The following SLC39A8 variants were observed in gnomAD, a reference collection of about 807,000 sequenced individuals.
SLC39A8 encodes metal cation symporter ZIP8.
A neutral mutation model predicts 40.4 loss-of-function variants in SLC39A8; 15 were observed. The ratio of observed to expected loss-of-function variants is 0.37; its 90% CI spans 0.25 to 0.57. SLC39A8 has a LOEUF of 0.57. Ranked by LOEUF, SLC39A8 falls within the 20% of genes least tolerant of loss-of-function variation. SLC39A8 has a pLI of 0.75. For synonymous variants in SLC39A8, 223 were observed against 221.6 expected (o/e 1.01, Z -0.06); for missense variants, 472 against 558.8 (o/e 0.84, Z 1.57).
At chr4:102,295,727 T>G (rs1397463222) in intron 6 of SLC39A8, among the ~76,000 whole-genome samples, 1 of 152,096 alleles carries the variant, frequency 6.6e-6, no homozygotes, top group Non-Finnish European at 1.5e-5. Flanking sequence ...ATGAACTTTC[T>G]GTGTAAATGT....
At chr4:102,297,095 A>G (rs187432616) in intron 6 of SLC39A8, among the ~76,000 whole-genome samples, 2 of 152,132 alleles carry the variant, frequency 1.3e-5, no homozygotes, top group Admixed American at 1.3e-4. Flanking sequence ...AAAGAGGAAT[A>G]TCACATGCTG....
chr4:102,341,204 G>T (rs1000381029), intron 2 of SLC39A8, among the ~76,000 whole-genome samples: 1 of 152,190 alleles, frequency 6.6e-6, no homozygotes, highest in Non-Finnish European at 1.5e-5. Flanking sequence ...CACTACAGGA[G>T]ATGGGCTGCA....
chr4:102,307,326 T>C (rs1734222600), intron 4 of SLC39A8, 110 bp downstream of exon 4: 2 of 1,305,032 alleles, frequency 1.5e-6, no homozygotes, highest in Non-Finnish European at 2.2e-6. Context: ...CAAGACACTA[T>C]AAACTAGACC....
intron 2 of SLC39A8, 64 bp downstream of exon 2, chr4:102,344,380 A>T: frequency 1.3e-5 from 16 of 1,185,358 alleles, no homozygotes; most frequent in Non-Finnish European, 1.7e-5. Flanking sequence ...AAAACGGCTC[A>T]TATACAAAGT....
At chr4:102,337,590 C>T (rs556819651) in intron 2 of SLC39A8, among the ~76,000 whole-genome samples, 7 of 152,320 alleles carry the variant, frequency 4.6e-5, no homozygotes, top group African/African-American at 1.7e-4. Flanking sequence ...ACCTACTCTT[C>T]CCTCCTTGCT....
intron 4 of SLC39A8, 109 bp from the exon 5 acceptor site, chr4:102,305,220 T>G: frequency 2.6e-6 from 3 of 1,148,958 alleles, no homozygotes; most frequent in Non-Finnish European, 3.6e-6. Flanking sequence ...TCTCTTCACA[T>G]CCAAGTAATA....
chr4:102,320,117 A>G (rs1218549475), intron 2 of SLC39A8, among the ~76,000 whole-genome samples: 1 of 146,914 alleles, frequency 6.8e-6, no homozygotes, highest in African/African-American at 2.5e-5. Context: ...GGGACTTCTC[A>G]GCCTCCACAA....
intron 2 of SLC39A8, among the ~76,000 whole-genome samples, chr4:102,337,328 GA>G (rs1268536341): frequency 6.6e-6 from 1 of 150,846 alleles, no homozygotes; most frequent in African/African-American, 2.4e-5. Flanking sequence ...TTTATGACTA[GA>G]AAGCAGAAAA....
At chr4:102,322,380 A>AT (rs1054967603) in intron 2 of SLC39A8, among the ~76,000 whole-genome samples, 7 of 152,172 alleles carry the variant, frequency 4.6e-5, no homozygotes, top group Admixed American at 2.0e-4. Flanking sequence ...ATTAAAGTTG[A>AT]TTTTTTTTCA....
intron 11 of SLC39A8, among the ~76,000 whole-genome samples, chr4:102,255,190 G>A (rs1215302084): frequency 6.6e-6 from 1 of 152,140 alleles, no homozygotes; most frequent in East Asian, 1.9e-4. Context: ...CAAGAGCTGG[G>A]AATTTTGTTT....
intron 2 of SLC39A8, among the ~76,000 whole-genome samples, chr4:102,326,399 A>T (rs1735204261): frequency 6.6e-6 from 1 of 152,110 alleles, no homozygotes; most frequent in Non-Finnish European, 1.5e-5. Flanking sequence ...GTCTCTACTA[A>T]AACTACAAAA....
Position 102,267,865 on chromosome 4 carries a change from T to A in SLC39A8, c.1048+7A>T. ...CAGACTTTTACAATATGAACAGAGC[T>A]CCTTACCTAACTCGTGGGGAAACTC... On this transcript the variant is annotated splice_region_variant and intron_variant, in intron 7 of 8. Transcript: ENST00000356736. 6.2e-7 allele frequency: 1 copy of A among 1,613,624 alleles called. No homozygotes were observed. The highest frequency in any genetic ancestry group is 8.5e-7 in the Non-Finnish European group (1 of 1,179,768).
intron 6 of SLC39A8, among the ~76,000 whole-genome samples, chr4:102,289,864 A>G (rs1733344316): frequency 6.6e-6 from 1 of 152,200 alleles, no homozygotes; most frequent in Admixed American, 6.5e-5. Flanking sequence ...CTGCTGGTAT[A>G]GATGCTGTGA....
intron 2 of SLC39A8, among the ~76,000 whole-genome samples, chr4:102,335,430 A>G (rs560326912): frequency 1.3e-5 from 2 of 151,966 alleles, no homozygotes; most frequent in Admixed American, 6.5e-5. Flanking sequence ...TCTGTTTTCT[A>G]TCCAACAGGG....
In SLC39A8 at chr4:102,320,395, TATATATATATGAGA is replaced by T. The variant is rs1369568749; in HGVS notation, c.220-4579_220-4566del. Reference sequence around the variant, plus strand: ...ATATATATGAGAATATATATATGAGTATATATATATGAGAATATATATATGAGAATATATATATA... The same window carrying T: ...ATATATATGAGAATATATATATGAGTATATATATATGAGAATATATATATA... On this transcript the variant is annotated intron_variant, in intron 2 of 8. Coordinates refer to ENST00000356736, the MANE Select transcript of SLC39A8 (RefSeq NM_001135146.2). Among the ~76,000 whole-genome samples, 248 of 64,856 alleles carry T rather than the reference TATATATATATGAGA, an allele frequency of 3.8e-3. 10 individuals carry two copies. Among genetic ancestry groups the T allele is most frequent in the East Asian group, 0.027 (89 of 3,258 alleles). 42.5% of individuals were successfully genotyped at this position (64,856 alleles called of 152,430 possible).
intron 11 of SLC39A8, among the ~76,000 whole-genome samples, chr4:102,256,312 C>T (rs1731708192): frequency 6.6e-6 from 1 of 151,924 alleles, no homozygotes; most frequent in South Asian, 2.1e-4. Flanking sequence ...CCTATAGATA[C>T]ATCTACACGA....
chr4:102,253,147 CAT>C (rs1345395884), exon 12 of SLC39A8: 25 of 245,306 alleles, frequency 1.0e-4, no homozygotes, highest in African/African-American at 3.3e-4. Context: ...AGAACTCAAA[CAT>C]GTCGTTTTTC....
chr4:102,332,932 C>T (rs748629237), intron 2 of SLC39A8, among the ~76,000 whole-genome samples: 16 of 152,138 alleles, frequency 1.1e-4, no homozygotes, highest in African/African-American at 2.2e-4. Flanking sequence ...AACCAAACAC[C>T]GCATGTTCTC....
At chr4:102,292,269 C>A (rs1387790434) in intron 6 of SLC39A8, among the ~76,000 whole-genome samples, 1 of 152,064 alleles carries the variant, frequency 6.6e-6, no homozygotes, top group Non-Finnish European at 1.5e-5. Flanking sequence ...CATCTTTCTA[C>A]AATGTGTACA....
Sources: allele counts gnomAD v4.1 joint callset (sites outside exome capture counted in the v4.1 genomes callset), GRCh38; gene constraint gnomAD v4.1.1; transcripts MANE v1.5; gene names NCBI Gene and HGNC (gene_info 2026-07-23, HGNC 2026-07-21).